ADAM18: variants seen among roughly 807,000 people sequenced by gnomAD.
ADAM18 encodes disintegrin and metalloproteinase domain-containing protein 18.
Under a neutral mutation model 94.4 loss-of-function variants are expected in ADAM18, and 117 were observed. The ratio of observed to expected loss-of-function variants is 1.24; its 90% CI spans 1.07 to 1.45. The LOEUF is 1.45. Among genes scored for constraint, ADAM18 ranks in the 40% most tolerant of loss-of-function variants. The pLI is 0.00. For missense variants in ADAM18, 936 were observed against 880.0 expected, an observed-to-expected ratio of 1.06 and a Z score of -0.81; for synonymous variants, 327 against 291.6, an observed-to-expected ratio of 1.12 and a Z score of -1.24.
At chr8:39,635,651 C>T (rs1820056320) in intron 7 of ADAM18, among the ~76,000 whole-genome samples, 1 of 152,112 alleles carries the variant, frequency 6.6e-6, no homozygotes, top group South Asian at 2.1e-4. Context: ...ATTATAAGAT[C>T]CTACATTCCA....
intron 11 of ADAM18, among the ~76,000 whole-genome samples, chr8:39,647,023 G>A (rs922681837): frequency 6.6e-6 from 1 of 151,982 alleles, no homozygotes; most frequent in Non-Finnish European, 1.5e-5. Context: ...GGGATATCTC[G>A]TCAGGTGGGA....
At position 39,671,781 on chromosome 8, in the gene ADAM18, A is replaced by C. The variant is rs184753068; in HGVS notation, c.1525+3585A>C. Among the ~76,000 whole-genome samples, 33 of 152,292 alleles carry C rather than the reference A, an allele frequency of 2.2e-4. No homozygotes were observed. The East Asian group carries it at 6.4e-3, about 29-fold the overall frequency. On this transcript the variant is annotated intron_variant, in intron 14 of 19. Transcript: ENST00000265707. ...TGGCCACTAGCTGAAAATAGAGAAAAGGCACAGAATAATAGAGACAGGGAT... is the reference window on the plus strand; with the variant it reads ...TGGCCACTAGCTGAAAATAGAGAAACGGCACAGAATAATAGAGACAGGGAT...
At chr8:39,651,998 A>C (rs1231637871) in intron 12 of ADAM18, among the ~76,000 whole-genome samples, 1 of 152,188 alleles carries the variant, frequency 6.6e-6, no homozygotes, top group African/African-American at 2.4e-5. Context: ...GGATATTCAC[A>C]TGTAGAAGAA....
At chr8:39,627,600 A>T (rs965495696) in intron 6 of ADAM18, among the ~76,000 whole-genome samples, 4 of 152,112 alleles carry the variant, frequency 2.6e-5, no homozygotes, top group Admixed American at 2.6e-4. Context: ...AATCTATAAG[A>T]ATCTTTACAT....
At chr8:39,649,018 A>G (rs1330782956) in intron 12 of ADAM18, among the ~76,000 whole-genome samples, 1 of 152,156 alleles carries the variant, frequency 6.6e-6, no homozygotes, top group African/African-American at 2.4e-5. Flanking sequence ...ATATATGTAT[A>G]TACCCGATTA....
At chr8:39,651,087 G>C (rs1307476599) in intron 12 of ADAM18, among the ~76,000 whole-genome samples, 1 of 151,294 alleles carries the variant, frequency 6.6e-6, no homozygotes, top group African/African-American at 2.4e-5. Flanking sequence ...TCATAAACAA[G>C]GTAAAGAAAA....
intron 6 of ADAM18, among the ~76,000 whole-genome samples, chr8:39,620,307 C>G (rs1015847443): frequency 8.6e-5 from 12 of 138,926 alleles, no homozygotes; most frequent in African/African-American, 2.9e-4. Flanking sequence ...TGACATAGGT[C>G]TGAGCAAAGA....
At chr8:39,661,096 G>A (rs1306509464) in intron 12 of ADAM18, among the ~76,000 whole-genome samples, 2 of 149,724 alleles carry the variant, frequency 1.3e-5, no homozygotes, top group Admixed American at 6.7e-5. Flanking sequence ...TGATCAGGAT[G>A]CCTATATGAC....
chr8:39,584,663 T>C lies in ADAM18; in HGVS notation c.41T>C (p.Leu14Pro). 2 of 1,613,402 alleles carry C rather than the reference T, an allele frequency of 1.2e-6. No homozygotes were observed. Among genetic ancestry groups the C allele is most frequent in the Non-Finnish European group, 1.7e-6 (2 of 1,180,038 alleles). The change falls in exon 1 of 20, where the codon CTG (leucine) becomes CCG (proline). Residue 14 changes from leucine to proline, a missense_variant. Leu to Pro is a moderately conservative substitution (Grantham distance 98). Coordinates refer to ENST00000265707, the MANE Select transcript of ADAM18 (RefSeq NM_014237.3). Reference protein sequence around the residue: ...LLALLTELGRLQAHEGSEGIF... With the variant: ...LLALLTELGRPQAHEGSEGIF... Reference sequence around the variant, plus strand: ...GCCCTCCTCACTGAGCTTGGAAGACTGCAAGCCCACGAAGGTAAGTCCATG... The same window carrying C: ...GCCCTCCTCACTGAGCTTGGAAGACCGCAAGCCCACGAAGGTAAGTCCATG...
intron 12 of ADAM18, among the ~76,000 whole-genome samples, chr8:39,650,810 C>G (rs1820511554): frequency 6.6e-6 from 1 of 152,134 alleles, no homozygotes. Context: ...GGTGGCCTCC[C>G]CCTCCACACC....
chr8:39,597,230 C>T (rs1306586114), intron 2 of ADAM18, among the ~76,000 whole-genome samples: 1 of 151,988 alleles, frequency 6.6e-6, no homozygotes, highest in Non-Finnish European at 1.5e-5. Flanking sequence ...TGGTTTATCT[C>T]TTCATATACT....
intron 2 of ADAM18, among the ~76,000 whole-genome samples, chr8:39,598,577 G>A (rs1818808404): frequency 6.6e-6 from 1 of 151,868 alleles, no homozygotes. Context: ...AGACCTGCCT[G>A]GCCAACATGG....
chr8:39,714,375 A>C (rs569233833), intron 18 of ADAM18, among the ~76,000 whole-genome samples: 1 of 152,136 alleles, frequency 6.6e-6, no homozygotes, highest in Non-Finnish European at 1.5e-5. Flanking sequence ...CCAACATAGC[A>C]CATGCATACC....
chr8:39,594,650 A>T (rs1160562621), intron 2 of ADAM18, among the ~76,000 whole-genome samples: 1 of 149,376 alleles, frequency 6.7e-6, no homozygotes, highest in East Asian at 1.9e-4. Flanking sequence ...ATTTCCTTTG[A>T]TCTTCATGTC....
intron 2 of ADAM18, among the ~76,000 whole-genome samples, chr8:39,602,959 T>G (rs1048230488): frequency 6.6e-6 from 1 of 152,202 alleles, no homozygotes; most frequent in African/African-American, 2.4e-5. Context: ...GTCTACAATT[T>G]CTTTCCACAC....
At chr8:39,615,421 A>G (rs972706597) in intron 6 of ADAM18, among the ~76,000 whole-genome samples, 2 of 152,194 alleles carry the variant, frequency 1.3e-5, no homozygotes, top group Admixed American at 1.3e-4. Context: ...ACAAAGATAC[A>G]ACATACCAGA....
intron 2 of ADAM18, among the ~76,000 whole-genome samples, chr8:39,592,655 T>A (rs1818605416): frequency 6.6e-6 from 1 of 152,098 alleles, no homozygotes; most frequent in Non-Finnish European, 1.5e-5. Context: ...CAGTTGGACA[T>A]AAAATGATGA....
At chr8:39,671,549 A>G (rs749983909) in intron 14 of ADAM18, among the ~76,000 whole-genome samples, 2 of 152,182 alleles carry the variant, frequency 1.3e-5, no homozygotes, top group African/African-American at 2.4e-5. Context: ...CTTATCAGGT[A>G]TATTTTTCAG....
chr8:39,635,271 A>G (rs1170811151), intron 7 of ADAM18, among the ~76,000 whole-genome samples: 3 of 152,200 alleles, frequency 2.0e-5, no homozygotes, highest in African/African-American at 7.2e-5. Context: ...GTTTTCAAGT[A>G]GATTTTTAAA....
Sources: allele counts gnomAD v4.1 joint callset (sites outside exome capture counted in the v4.1 genomes callset), GRCh38; gene constraint gnomAD v4.1.1; transcripts MANE v1.5; gene names NCBI Gene and HGNC (gene_info 2026-07-23, HGNC 2026-07-21).